TMEM131: variants seen among roughly 807,000 people sequenced by gnomAD.
TMEM131 encodes the protein transmembrane protein 131, also known as 2610524E03Rik.
A neutral mutation model predicts 211.6 loss-of-function variants in TMEM131; 66 were observed. The ratio of observed to expected loss-of-function variants is 0.31; its 90% confidence interval spans 0.26 to 0.38. The LOEUF is 0.38. Ranked by LOEUF, TMEM131 falls within the 10% of genes least tolerant of loss-of-function variation. The pLI is 1.00. For missense variants in TMEM131, 2,036 were observed against 2,299.3 expected, an observed-to-expected ratio of 0.89 and a Z score of 2.34; for synonymous variants, 844 against 841.3, an observed-to-expected ratio of 1.00 and a Z score of -0.06.
At chr2:97,947,558 A>T (rs1297012965) in intron 1 of TMEM131, among the ~76,000 whole-genome samples, 2 of 152,268 alleles carry the variant, frequency 1.3e-5, no homozygotes, top group Non-Finnish European at 2.9e-5. Context: ...AAATTAAAGA[A>T]CACCTAAATA....
At chr2:97,808,816 G>T (rs1243120485) in intron 19 of TMEM131, among the ~76,000 whole-genome samples, 1 of 152,190 alleles carries the variant, frequency 6.6e-6, no homozygotes, top group African/African-American at 2.4e-5. Context: ...AACCAGTATT[G>T]TCTAGAGGAG....
At chr2:97,909,345 T>C (rs1232824922) in intron 2 of TMEM131, among the ~76,000 whole-genome samples, 1 of 152,142 alleles carries the variant, frequency 6.6e-6, no homozygotes, top group African/African-American at 2.4e-5. Flanking sequence ...CAGGTCTCTC[T>C]GCTGGAGCTG....
At chr2:97,882,115 C>T (rs1329294919) in intron 4 of TMEM131, among the ~76,000 whole-genome samples, 1 of 152,202 alleles carries the variant, frequency 6.6e-6, no homozygotes, top group Admixed American at 6.5e-5. Flanking sequence ...ATTCTTTCAA[C>T]CATATCTCTC....
chr2:97,829,152 G>T (rs1332789304), intron 11 of TMEM131, among the ~76,000 whole-genome samples: 1 of 152,212 alleles, frequency 6.6e-6, no homozygotes, highest in Admixed American at 6.5e-5. Context: ...AGCAGTTGGG[G>T]TGTCCTATTT....
In TMEM131 at chr2:97,818,621, C is replaced by T; in HGVS notation, c.1175G>A (p.Ser392Asn). Residue 392 changes from serine (S) to asparagine (N), a missense_variant, in exon 12 of 41, where the codon AGT becomes AAT. By Grantham distance (46) the Ser-to-Asn change is conservative. This residue lies in a region of TMEM131 where 277 missense variants were observed against 378.0 expected (regional missense o/e 0.73). Transcript: ENST00000186436. ...ESKYTKVASI[S>N]FDASKAKKPS... ...AAATGGTGAATACTTGCCATCAAAA[C>T]TAATGCTTGCAACCTTGGTGTATTT... The T allele has an allele frequency of 6.3e-7, 1 of 1,595,054 alleles. No individual in the cohort carries two copies. Among genetic ancestry groups the T allele is most frequent in the Non-Finnish European group, 8.6e-7 (1 of 1,166,272 alleles).
intron 3 of TMEM131, among the ~76,000 whole-genome samples, chr2:97,907,740 A>C (rs1165517356): frequency 2.0e-5 from 3 of 152,216 alleles, no homozygotes; most frequent in African/African-American, 7.2e-5. Flanking sequence ...CACACTGTAA[A>C]ATAACTGGGT....
At chr2:97,927,104 A>G (rs1343924206) in intron 2 of TMEM131, among the ~76,000 whole-genome samples, 1 of 152,196 alleles carries the variant, frequency 6.6e-6, no homozygotes, top group Non-Finnish European at 1.5e-5. Flanking sequence ...TAAAACATAC[A>G]AAGCTGACTC....
At chr2:97,881,410 G>A (rs1207312574) in intron 4 of TMEM131, among the ~76,000 whole-genome samples, 1 of 151,814 alleles carries the variant, frequency 6.6e-6, no homozygotes, top group East Asian at 1.9e-4. Context: ...GTTTCACTAT[G>A]TTGCCCAGGC....
intron 1 of TMEM131, among the ~76,000 whole-genome samples, chr2:97,980,667 C>T (rs1185411930): frequency 6.6e-6 from 1 of 152,012 alleles, no homozygotes; most frequent in Non-Finnish European, 1.5e-5. Context: ...GCAAACAACC[C>T]AAAATTTCAA....
intron 2 of TMEM131, among the ~76,000 whole-genome samples, chr2:97,912,795 A>G (rs779892069): frequency 3.3e-5 from 5 of 152,156 alleles, no homozygotes; most frequent in Non-Finnish European, 7.3e-5. Context: ...TAGGGTGCAG[A>G]TTCCAAATAA....
At chr2:97,788,705 C>T (rs74371754) in intron 31 of TMEM131, among the ~76,000 whole-genome samples, 1 of 152,178 alleles carries the variant, frequency 6.6e-6, no homozygotes, top group South Asian at 2.1e-4. Context: ...TGCTCCCATT[C>T]TGCCCAGCGC....
intron 4 of TMEM131, among the ~76,000 whole-genome samples, chr2:97,871,322 G>A (rs1057298945): frequency 1.3e-5 from 2 of 152,196 alleles, no homozygotes; most frequent in Admixed American, 6.5e-5. Context: ...AACAGGCAAA[G>A]CTAACTTTGG....
chr2:97,920,970 A>AGTGTGTGT (rs57343769), intron 2 of TMEM131, among the ~76,000 whole-genome samples: 2,207 of 146,696 alleles, frequency 0.015, 28 homozygotes, highest in African/African-American at 0.027. Context: ...AAAAATCCCG[A>AGTGTGTGT]GTGTGTGTGT....
chr2:97,994,407 CAG>C (rs1397873584), intron 1 of TMEM131, among the ~76,000 whole-genome samples: 4 of 152,182 alleles, frequency 2.6e-5, no homozygotes, highest in African/African-American at 9.6e-5. Context: ...ATAAAAGAAA[CAG>C]TATACTGAAG....
At chr2:97,804,621 CAAAA>C (rs71386034) in intron 22 of TMEM131, among the ~76,000 whole-genome samples, 5 of 71,918 alleles carry the variant, frequency 7.0e-5, no homozygotes, top group Non-Finnish European at 1.3e-4. Flanking sequence ...GACTCCGTCT[CAAAA>C]AAAAAAAAAA....
intron 31 of TMEM131, among the ~76,000 whole-genome samples, chr2:97,776,837 G>T (rs1679761167): frequency 6.6e-6 from 1 of 152,196 alleles, no homozygotes. Flanking sequence ...CAAACTAGCT[G>T]CCTGATCATG....
chr2:97,897,404 G>A (rs1003699846), intron 3 of TMEM131, among the ~76,000 whole-genome samples: 15 of 151,980 alleles, frequency 9.9e-5, no homozygotes, highest in African/African-American at 3.4e-4. Flanking sequence ...CATGTTAACT[G>A]TTACTTTTCC....
intron 1 of TMEM131, among the ~76,000 whole-genome samples, chr2:97,931,033 G>C (rs1309934476): frequency 6.6e-6 from 1 of 151,828 alleles, no homozygotes; most frequent in South Asian, 2.1e-4. Flanking sequence ...CTGGCAATGT[G>C]AATCTGTGCT....
intron 11 of TMEM131, among the ~76,000 whole-genome samples, chr2:97,823,847 A>G (rs1682243055): frequency 6.6e-6 from 1 of 152,190 alleles, no homozygotes; most frequent in African/African-American, 2.4e-5. Context: ...ACTGATCCTA[A>G]AAGATGAGTT....
Sources: allele counts gnomAD v4.1 joint callset (sites outside exome capture counted in the v4.1 genomes callset), GRCh38; gene constraint gnomAD v4.1.1; regional missense constraint gnomAD v4.1.1; transcripts MANE v1.5; gene names NCBI Gene and HGNC (gene_info 2026-07-23, HGNC 2026-07-21).